RYR2: variants seen among roughly 807,000 people sequenced by gnomAD.
RYR2 encodes ryanodine receptor 2.
A neutral mutation model predicts 601.1 loss-of-function variants in RYR2; 227 were observed. The observed-to-expected ratio is 0.38, with a 90% CI of 0.34 to 0.42. The LOEUF (loss-of-function observed/expected upper bound fraction) is 0.42, where lower values mean the gene tolerates loss of function less well. Ranked by LOEUF, RYR2 falls within the 10% of genes least tolerant of loss-of-function variation. The probability of loss-of-function intolerance (pLI) is 1.00; values close to 1 mark genes in which losing one functional copy is unlikely to be tolerated. For missense variants in RYR2, 4,646 were observed against 6,156.5 expected, an observed-to-expected ratio of 0.75 and a Z score of 8.21; for synonymous variants, 2,223 against 2,175.1, an observed-to-expected ratio of 1.02 and a Z score of -0.61.
At chr1:237,640,728 A>C (rs1403254054) in intron 46 of RYR2, among the ~76,000 whole-genome samples, 169 bp from the exon 47 acceptor site, 2 of 152,206 alleles carry the variant, frequency 1.3e-5, no homozygotes, top group East Asian at 3.9e-4. Flanking sequence ...ATCTTTAACC[A>C]GTTGTTATTC....
intron 3 of RYR2, among the ~76,000 whole-genome samples, chr1:237,334,447 A>AT (rs1214972950): frequency 1.4e-5 from 2 of 147,448 alleles, no homozygotes; most frequent in Admixed American, 1.3e-4. Context: ...TAAAATATAT[A>AT]TATATATATA....
chr1:237,483,311 A>T (rs1662324570), intron 17 of RYR2, among the ~76,000 whole-genome samples: 1 of 152,184 alleles, frequency 6.6e-6, no homozygotes, highest in African/African-American at 2.4e-5. Context: ...TTCAACCATA[A>T]AATAATAGCA....
At chr1:237,048,339 CT>C (rs1447861365) in intron 1 of RYR2, among the ~76,000 whole-genome samples, 1 of 152,186 alleles carries the variant, frequency 6.6e-6, no homozygotes, top group East Asian at 1.9e-4. Flanking sequence ...CATCGTGTTT[CT>C]CTTTGCAATC....
intron 1 of RYR2, among the ~76,000 whole-genome samples, chr1:237,224,987 T>C (rs1216736857): frequency 6.6e-6 from 1 of 152,216 alleles, no homozygotes; most frequent in Non-Finnish European, 1.5e-5. Context: ...ATTACTTTCT[T>C]ATTTCAGATT....
intron 2 of RYR2, among the ~76,000 whole-genome samples, chr1:237,286,313 T>C (rs1037157829): frequency 3.9e-5 from 6 of 152,036 alleles, no homozygotes; most frequent in Non-Finnish European, 7.4e-5. Context: ...TTAATTTCCA[T>C]GTATTTGCAT....
intron 25 of RYR2, among the ~76,000 whole-genome samples, chr1:237,542,148 C>T (rs1009005739): frequency 3.9e-5 from 6 of 151,920 alleles, no homozygotes; most frequent in Admixed American, 6.6e-5. Context: ...GGCTGGAGTG[C>T]GATGGCGCCA....
At chr1:237,596,196 C>G (rs1675875803) in intron 34 of RYR2, among the ~76,000 whole-genome samples, 1 of 152,076 alleles carries the variant, frequency 6.6e-6, no homozygotes, top group Admixed American at 6.6e-5. Flanking sequence ...AGTAACAGAT[C>G]CCCCTCCCCA....
intron 3 of RYR2, among the ~76,000 whole-genome samples, chr1:237,350,628 T>C: frequency 9.2e-6 from 1 of 108,876 alleles, no homozygotes; most frequent in South Asian, 2.9e-4. Flanking sequence ...TATATATATA[T>C]ATATATCTCT....
intron 73 of RYR2, among the ~76,000 whole-genome samples, chr1:237,722,829 A>G (rs1386678053): frequency 6.6e-6 from 1 of 152,196 alleles, no homozygotes; most frequent in Non-Finnish European, 1.5e-5. Flanking sequence ...TAGTCAGACA[A>G]ATTAGCATAT....
intron 13 of RYR2, among the ~76,000 whole-genome samples, chr1:237,443,665 ATTGAATT>A (rs1413583129): frequency 4.6e-5 from 7 of 152,174 alleles, no homozygotes; most frequent in Non-Finnish European, 4.4e-5. Flanking sequence ...CTTTATGGAC[ATTGAATT>A]TTGAATTTCA....
chr1:237,155,017 C>G (rs1231477458), intron 1 of RYR2, among the ~76,000 whole-genome samples: 2 of 152,086 alleles, frequency 1.3e-5, no homozygotes, highest in African/African-American at 4.8e-5. Context: ...AGTTGCTTTC[C>G]AAGCCTCAAG....
At chr1:237,262,271 T>TTC (rs1553370121) in intron 1 of RYR2, among the ~76,000 whole-genome samples, 1 of 132,248 alleles carries the variant, frequency 7.6e-6, no homozygotes, top group Non-Finnish European at 1.6e-5. Flanking sequence ...TTTTTTTTTT[T>TTC]TATGATGGAG....
At chr1:237,698,130 G>A (rs1347840741) in intron 63 of RYR2, among the ~76,000 whole-genome samples, 1 of 151,484 alleles carries the variant, frequency 6.6e-6, no homozygotes, top group South Asian at 2.1e-4. Context: ...GTGTGTGTGT[G>A]TGTGTGTGTG....
At chr1:237,227,266 T>G (rs1022675207) in intron 1 of RYR2, among the ~76,000 whole-genome samples, 2 of 152,132 alleles carry the variant, frequency 1.3e-5, no homozygotes, top group African/African-American at 4.8e-5. Flanking sequence ...AAAGGTTGAT[T>G]ATGAGAGGTT....
At chr1:237,398,383 A>G (rs779663449) in intron 10 of RYR2, among the ~76,000 whole-genome samples, 6 of 152,254 alleles carry the variant, frequency 3.9e-5, no homozygotes, top group Non-Finnish European at 7.3e-5. Flanking sequence ...ATAAAGGACT[A>G]GTATCTAAAA....
chr1:237,739,671 G>A (rs1691445577), intron 79 of RYR2, among the ~76,000 whole-genome samples: 1 of 152,138 alleles, frequency 6.6e-6, no homozygotes, highest in Non-Finnish European at 1.5e-5. Flanking sequence ...AAATGCTGCG[G>A]TCACATTCTT....
At chr1:237,601,307 T>C (rs957095161) in intron 34 of RYR2, among the ~76,000 whole-genome samples, 1 of 152,126 alleles carries the variant, frequency 6.6e-6, no homozygotes, top group East Asian at 1.9e-4. Flanking sequence ...TGGAGGATAT[T>C]GTGTTTAGTG....
chr1:237,318,427 A>G (rs74650373), intron 2 of RYR2, among the ~76,000 whole-genome samples: 5,803 of 152,110 alleles, frequency 0.038, 256 homozygotes, highest in African/African-American at 0.11. Flanking sequence ...TAATCCACAC[A>G]TTTTCAATTT....
chr1:237,139,171 C>A (rs1673118719), intron 1 of RYR2, among the ~76,000 whole-genome samples: 1 of 152,138 alleles, frequency 6.6e-6, no homozygotes, highest in African/African-American at 2.4e-5. Context: ...ATGCTGTATC[C>A]ATACAATGGA....
Sources: allele counts gnomAD v4.1 joint callset (sites outside exome capture counted in the v4.1 genomes callset), GRCh38; gene constraint gnomAD v4.1.1; transcripts MANE v1.5; gene names NCBI Gene and HGNC (gene_info 2026-07-23, HGNC 2026-07-21).